ARHGEF9: variants seen among roughly 807,000 people sequenced by gnomAD.
ARHGEF9 encodes the protein rho guanine nucleotide exchange factor 9.
In ARHGEF9, 2 loss-of-function variants were observed where a neutral mutation model predicts 41.3. The observed-to-expected ratio is 0.05, with a 90% CI of 0.02 to 0.15. The LOEUF (loss-of-function observed/expected upper bound fraction) is 0.15, where lower values mean the gene tolerates loss of function less well. Among genes scored for constraint, ARHGEF9 ranks in the 10% least tolerant of loss-of-function variants. The pLI is 1.00. For synonymous variants in ARHGEF9, 160 were observed against 154.4 expected, an observed-to-expected ratio of 1.04 and a Z score of -0.27; for missense variants, 225 against 424.7, an observed-to-expected ratio of 0.53 and a Z score of 4.13.
At chrX:63,767,436 G>C (rs1556452364) in intron 1 of ARHGEF9, 1 of 345,320 alleles carries the variant, frequency 2.9e-6, no homozygotes, top group Non-Finnish European at 5.3e-6. Context: ...TTATGGATCT[G>C]ATAAAATCTA....
chrX:63,669,434 A>G (rs782056257), intron 6 of ARHGEF9, among the ~76,000 whole-genome samples: 1 of 111,902 alleles, frequency 8.9e-6, no homozygotes, highest in East Asian at 2.8e-4. Flanking sequence ...CATAAGTCTC[A>G]TAATTTCACG....
intron 1 of ARHGEF9, among the ~76,000 whole-genome samples, chrX:63,744,463 C>T (rs1279301662): frequency 5.3e-5 from 6 of 112,476 alleles, no homozygotes; most frequent in Non-Finnish European, 9.4e-5. Flanking sequence ...ACAGCTCCAG[C>T]ACCTATTTTT....
intron 1 of ARHGEF9, among the ~76,000 whole-genome samples, chrX:63,770,423 G>T (rs1472131455): frequency 8.9e-6 from 1 of 112,289 alleles, no homozygotes; most frequent in Non-Finnish European, 1.9e-5. Flanking sequence ...ACTGTATCTA[G>T]AAAGTAACTA....
intron 8 of ARHGEF9, among the ~76,000 whole-genome samples, chrX:63,650,883 T>C (rs1403283323): frequency 2.7e-5 from 3 of 110,738 alleles, no homozygotes; most frequent in African/African-American, 9.8e-5. Flanking sequence ...AGAAGAGAGA[T>C]AACTACAATT....
intron 5 of ARHGEF9, 46 bp from the exon 6 acceptor site, chrX:63,674,213 G>T (rs1319456170): frequency 8.4e-7 from 1 of 1,192,357 alleles, no homozygotes; most frequent in Non-Finnish European, 1.1e-6. Context: ...ATGTGCCAAA[G>T]AACCAATGTG....
chrX:63,650,658 C>A (rs2048484002), intron 8 of ARHGEF9, among the ~76,000 whole-genome samples: 1 of 110,375 alleles, frequency 9.1e-6, no homozygotes, highest in Non-Finnish European at 1.9e-5. Context: ...TGGAATGTTC[C>A]CAACACAAAG....
intron 1 of ARHGEF9, among the ~76,000 whole-genome samples, chrX:63,765,932 G>A (rs1339562138): frequency 9.0e-6 from 1 of 111,707 alleles, no homozygotes; most frequent in Non-Finnish European, 1.9e-5. Flanking sequence ...TAAATACTGG[G>A]CTTTTTATCA....
chrX:63,638,456 T>C (rs2047429983), intron 9 of ARHGEF9: 1 of 421,145 alleles, frequency 2.4e-6, no homozygotes, highest in Admixed American at 4.0e-5. Flanking sequence ...GGTATTGCTA[T>C]AATCTGTTTT....
chrX:63,692,508 C>T (rs1237073142), intron 4 of ARHGEF9, among the ~76,000 whole-genome samples: 1 of 112,086 alleles, frequency 8.9e-6, no homozygotes, highest in Non-Finnish European at 1.9e-5. Flanking sequence ...ATCACAAGGA[C>T]ATATCATCTC....
At chrX:63,648,103 C>T (rs2048252067) in intron 8 of ARHGEF9, among the ~76,000 whole-genome samples, 2 of 110,838 alleles carry the variant, frequency 1.8e-5, no homozygotes, top group African/African-American at 6.6e-5. Flanking sequence ...CAGAGAACAC[C>T]ACAAAGATAT....
chrX:63,764,605 G>A (rs1464591448), intron 1 of ARHGEF9, among the ~76,000 whole-genome samples: 1 of 112,497 alleles, frequency 8.9e-6, no homozygotes, highest in Non-Finnish European at 1.9e-5. Context: ...TAAAGAAAAT[G>A]TAGTACATAT....
At chrX:63,737,596 G>C (rs2054696238) in intron 1 of ARHGEF9, among the ~76,000 whole-genome samples, 1 of 112,460 alleles carries the variant, frequency 8.9e-6, no homozygotes, top group African/African-American at 3.2e-5. Flanking sequence ...TCCACTGGCA[G>C]AAGGAAAAAC....
intron 5 of ARHGEF9, among the ~76,000 whole-genome samples, chrX:63,675,223 C>A (rs1255628508): frequency 2.7e-5 from 3 of 111,664 alleles, no homozygotes; most frequent in African/African-American, 6.5e-5. Flanking sequence ...TGTTACATCA[C>A]TTTTTTTGTG....
intron 3 of ARHGEF9, among the ~76,000 whole-genome samples, chrX:63,702,115 T>C (rs1556396370): frequency 8.9e-6 from 1 of 112,506 alleles, no homozygotes; most frequent in Non-Finnish European, 1.9e-5. Flanking sequence ...AATTTCTTGA[T>C]AGTGAATGGT....
At position 63,643,842 on chromosome X, in the gene ARHGEF9, C is replaced by A. The variant is rs2047812818; in HGVS notation, c.1390+138G>T. ...GCATTTAAAACCATTTGCTACCTGT[C>A]ATCAAGGACACCTAGGGACCTGGAT... is the stretch of plus-strand genomic sequence containing the variant. On this transcript the variant is annotated intron_variant, in intron 9 of 9. Transcript: ENST00000671741. 8 of 558,520 alleles carry A rather than the reference C, an allele frequency of 1.4e-5. No individual in the cohort carries two copies. The East Asian group carries it at 2.8e-4, about 20-fold the overall frequency. The allele number at this position is 558,520 out of a possible 1,213,427, so 46.0% of individuals were successfully genotyped here.
rs782198148 is a variant in ARHGEF9 at position 63,653,490 on chromosome X, T to C, written c.1321+2004A>G. Among the ~76,000 whole-genome samples, 21 of 111,938 alleles carry C rather than the reference T, an allele frequency of 1.9e-4. 1 individual carries two copies. The highest frequency in any genetic ancestry group is 6.8e-4 in the African/African-American group (21 of 30,880). On this transcript the variant is annotated intron_variant, in intron 8 of 9. Coordinates refer to ENST00000671741, the MANE Select transcript of ARHGEF9 (RefSeq NM_001353921.2). ...CTCCTACAGGTTATGCCTCTTTGGT[T>C]GAACCCTAACTGATACAAGGGGTTA...
intron 1 of ARHGEF9, chrX:63,754,623 C>A: frequency 9.8e-7 from 1 of 1,023,651 alleles, no homozygotes; most frequent in Non-Finnish European, 1.2e-6. Flanking sequence ...GGGGGGCCGG[C>A]AGATTGGGAG....
intron 1 of ARHGEF9, among the ~76,000 whole-genome samples, chrX:63,768,689 G>A (rs782615678): frequency 1.0e-3 from 117 of 111,598 alleles, no homozygotes; most frequent in Non-Finnish European, 1.4e-3. Flanking sequence ...TAAATCATGG[G>A]GCAGTCTCCC....
chrX:63,685,595 TG>T (rs2050933037), intron 4 of ARHGEF9, among the ~76,000 whole-genome samples: 1 of 112,076 alleles, frequency 8.9e-6, no homozygotes, highest in Non-Finnish European at 1.9e-5. Context: ...ATCAAGAAAG[TG>T]GGTTACTATT....
Sources: gnomAD v4.1 joint callset for allele counts (sites outside exome capture counted in the v4.1 genomes callset) on GRCh38, gnomAD v4.1.1 for gene constraint, MANE v1.5 for transcripts, NCBI Gene and HGNC (gene_info 2026-07-23, HGNC 2026-07-21) for gene names.